Variants in LIPC observed in about 807,000 individuals in gnomAD.
LIPC encodes the protein hepatic triacylglycerol lipase.
LIPC carries 44 observed loss-of-function variants against 50.7 expected under a neutral mutation model. The ratio of observed to expected loss-of-function variants is 0.87; its 90% CI spans 0.68 to 1.11. The LOEUF (loss-of-function observed/expected upper bound fraction) is 1.11. Ranked by LOEUF, LIPC falls within the 50% of genes most tolerant of loss-of-function variation. The pLI is 0.00. For missense variants in LIPC, 697 were observed against 648.2 expected (o/e 1.08, Z -0.82); for synonymous variants, 271 against 256.4 (o/e 1.06, Z -0.54).
intron 1 of LIPC, among the ~76,000 whole-genome samples, chr15:58,481,995 G>C (rs910588261): frequency 2.0e-5 from 3 of 152,174 alleles, no homozygotes; most frequent in Admixed American, 2.0e-4. Flanking sequence ...GGGGCAGCAG[G>C]GAAAGAGCCT....
At chr15:58,563,899 C>T in intron 8 of LIPC, 176 bp downstream of exon 8, 1 of 667,076 alleles carries the variant, frequency 1.5e-6, no homozygotes, top group South Asian at 1.6e-5. Context: ...GCCACAGGTG[C>T]CAGGACAAGG....
chr15:58,477,845 A>C (rs1163168750), intron 1 of LIPC, among the ~76,000 whole-genome samples: 4 of 152,072 alleles, frequency 2.6e-5, no homozygotes, highest in African/African-American at 9.7e-5. Context: ...ACTTCCCCCT[A>C]GACCTGTGGG....
intron 1 of LIPC, among the ~76,000 whole-genome samples, chr15:58,439,601 G>A (rs1158269385): frequency 6.6e-6 from 1 of 152,060 alleles, no homozygotes; most frequent in African/African-American, 2.4e-5. Flanking sequence ...ACAACACCAC[G>A]CCCAGCTATT....
intron 1 of LIPC, among the ~76,000 whole-genome samples, chr15:58,492,511 T>C (rs1393567324): frequency 6.6e-6 from 1 of 152,104 alleles, no homozygotes; most frequent in Admixed American, 6.5e-5. Flanking sequence ...TGAATTTCGT[T>C]TTACAAACAA....
intron 1 of LIPC, among the ~76,000 whole-genome samples, chr15:58,504,114 C>T (rs980260063): frequency 6.6e-6 from 1 of 152,232 alleles, no homozygotes; most frequent in Non-Finnish European, 1.5e-5. Flanking sequence ...ATCCAACAGA[C>T]CAGCCAGAGT....
intron 1 of LIPC, among the ~76,000 whole-genome samples, chr15:58,486,598 AG>A (rs1891384752): frequency 6.6e-6 from 1 of 152,210 alleles, no homozygotes; most frequent in Non-Finnish European, 1.5e-5. Context: ...TGAACGTACG[AG>A]CCCAGACTCA....
intron 6 of LIPC, among the ~76,000 whole-genome samples, chr15:58,550,530 G>A (rs573972461): frequency 6.6e-6 from 1 of 152,194 alleles, no homozygotes; most frequent in East Asian, 1.9e-4. Flanking sequence ...TTGCATTAGG[G>A]CATCATTATC....
intron 1 of LIPC, among the ~76,000 whole-genome samples, chr15:58,517,894 G>A (rs912230551): frequency 1.4e-4 from 21 of 152,188 alleles, no homozygotes; most frequent in African/African-American, 5.1e-4. Flanking sequence ...GCCTTGCGGA[G>A]GTTAAATGAT....
chr15:58,503,504 G>A (rs1212497280), intron 1 of LIPC, among the ~76,000 whole-genome samples: 1 of 152,170 alleles, frequency 6.6e-6, no homozygotes, highest in Non-Finnish European at 1.5e-5. Flanking sequence ...TGGTCTGCAT[G>A]GGGCAGCACC....
At chr15:58,481,890 G>T (rs1891201673) in intron 1 of LIPC, among the ~76,000 whole-genome samples, 1 of 152,218 alleles carries the variant, frequency 6.6e-6, no homozygotes, top group South Asian at 2.1e-4. Flanking sequence ...CAACCAGTAT[G>T]CATGGCTTCA....
In LIPC at chr15:58,465,899, C is replaced by T. The variant is rs375390500; in HGVS notation, c.88+33779C>T. On this transcript the variant is annotated intron_variant, in intron 1 of 8. Coordinates refer to ENST00000299022, the MANE Select transcript of LIPC (RefSeq NM_000236.3). ...GACAATCATAGCCCTCGATGTCTAC[C>T]GTTTCTAATTAATACAGGGCAGAGG... 1.3e-3 allele frequency among the ~76,000 whole-genome samples: 195 copies of T among 152,266 alleles called. 1 individual carries two copies. Among genetic ancestry groups the T allele is most frequent in the African/African-American group, 4.6e-3 (189 of 41,534 alleles).
intron 1 of LIPC, among the ~76,000 whole-genome samples, chr15:58,462,516 C>T (rs1051388409): frequency 6.6e-6 from 1 of 152,200 alleles, no homozygotes; most frequent in African/African-American, 2.4e-5. Flanking sequence ...TAGATACTCA[C>T]ACATACATTC....
intron 1 of LIPC, among the ~76,000 whole-genome samples, chr15:58,469,950 T>TTG (rs1894728177): frequency 6.6e-6 from 1 of 151,156 alleles, no homozygotes; most frequent in Non-Finnish European, 1.5e-5. Flanking sequence ...TTTTTTTTTT[T>TTG]GAGACAAGGT....
chr15:58,506,158 G>A (rs1322921705), intron 1 of LIPC, among the ~76,000 whole-genome samples: 1 of 152,182 alleles, frequency 6.6e-6, no homozygotes, highest in Non-Finnish European at 1.5e-5. Flanking sequence ...CACCTGTGGG[G>A]CTCCTTTCCC....
intron 1 of LIPC, among the ~76,000 whole-genome samples, chr15:58,453,688 C>T (rs1409647657): frequency 6.6e-6 from 1 of 151,672 alleles, no homozygotes; most frequent in Non-Finnish European, 1.5e-5. Flanking sequence ...ATTGCTTGAC[C>T]CCATGAGGTC....
intron 1 of LIPC, chr15:58,454,743 C>T (rs1001083545): frequency 2.6e-5 from 4 of 152,254 alleles, no homozygotes; most frequent in Non-Finnish European, 1.5e-5. Flanking sequence ...ACGTGCAGCG[C>T]TCACCCCCAG....
intron 1 of LIPC, among the ~76,000 whole-genome samples, chr15:58,508,685 C>T (rs534540814): frequency 2.6e-5 from 4 of 151,900 alleles, no homozygotes; most frequent in South Asian, 2.1e-4. Flanking sequence ...AGAGTCCTTA[C>T]GACTGACATA....
intron 1 of LIPC, chr15:58,494,770 T>C (rs1158814040): frequency 4.4e-6 from 2 of 456,174 alleles, no homozygotes; most frequent in Admixed American, 2.3e-5. Flanking sequence ...GTTAGCTTTT[T>C]ACCTGAATGC....
intron 1 of LIPC, among the ~76,000 whole-genome samples, chr15:58,519,692 C>T (rs529675318): frequency 3.9e-5 from 6 of 152,316 alleles, no homozygotes; most frequent in Admixed American, 1.3e-4. Context: ...TACAGAATAG[C>T]GCAGTTTTGA....
Sources: gnomAD v4.1 joint callset for allele counts (sites outside exome capture counted in the v4.1 genomes callset) on GRCh38, gnomAD v4.1.1 for gene constraint, MANE v1.5 for transcripts, NCBI Gene and HGNC (gene_info 2026-07-23, HGNC 2026-07-21) for gene names.